MAST4: variants seen among roughly 807,000 people sequenced by gnomAD.
MAST4 encodes the protein microtubule associated serine/threonine kinase family member 4.
MAST4 carries 89 observed loss-of-function variants against 162.7 expected under a neutral mutation model. The ratio of observed to expected loss-of-function variants is 0.55; its 90% confidence interval spans 0.46 to 0.65. The LOEUF (loss-of-function observed/expected upper bound fraction) is 0.65. MAST4 is among the 30% of genes least tolerant of loss of function. MAST4 has a pLI of 0.00. For missense variants in MAST4, 3,153 were observed against 3,374.0 expected (o/e 0.93, Z 1.62); for synonymous variants, 1,479 against 1,361.1 (o/e 1.09, Z -1.91).
chr5:66,639,196 T>C (rs74708654), intron 1 of MAST4, among the ~76,000 whole-genome samples: 2,931 of 151,362 alleles, frequency 0.019, 93 homozygotes, highest in African/African-American at 0.068. Context: ...AAAACCTAGA[T>C]AGAATGATGT....
chr5:66,824,833 G>T (rs986113811), intron 3 of MAST4, among the ~76,000 whole-genome samples: 1 of 152,178 alleles, frequency 6.6e-6, no homozygotes, highest in Non-Finnish European at 1.5e-5. Context: ...AAGTATTTGT[G>T]TATCTAAACA....
chr5:66,963,712 C>T, intron 4 of MAST4: 1 of 779,794 alleles, frequency 1.3e-6, no homozygotes, highest in South Asian at 1.3e-5. Context: ...TTCAGTCTCA[C>T]TCCCAGGAGC....
rs540760903 is a variant in MAST4 at position 66,725,354 on chromosome 5, T to C, written c.364-34355T>C. ...ACATTTTTGATTTTTAAAATGATCA[T>C]AAATATTGGATGTGCCTATGACTTG... On this transcript the variant is annotated intron_variant, in intron 1 of 28. Coordinates refer to ENST00000403625, the MANE Select transcript of MAST4 (RefSeq NM_001164664.2). 1.4e-4 allele frequency among the ~76,000 whole-genome samples: 21 copies of C among 151,794 alleles called. 1 individual carries two copies. In the South Asian group the frequency reaches 4.4e-3, roughly 32 times the overall value.
chr5:66,712,674 A>T (rs144282532), intron 1 of MAST4, among the ~76,000 whole-genome samples: 29 of 152,302 alleles, frequency 1.9e-4, no homozygotes, highest in Non-Finnish European at 3.8e-4. Context: ...TCCAGGAAAT[A>T]CCCTTTGAAA....
At chr5:66,749,166 C>G (rs1752975099) in intron 1 of MAST4, among the ~76,000 whole-genome samples, 1 of 151,998 alleles carries the variant, frequency 6.6e-6, no homozygotes, top group East Asian at 1.9e-4. Context: ...TTATCAGTAT[C>G]ACTTGTTACT....
chr5:66,930,111 G>C (rs888422260), intron 4 of MAST4, among the ~76,000 whole-genome samples: 1 of 152,130 alleles, frequency 6.6e-6, no homozygotes, highest in African/African-American at 2.4e-5. Context: ...AAAGAACAAT[G>C]GGTCTGCTAT....
intron 3 of MAST4, among the ~76,000 whole-genome samples, chr5:66,814,580 C>G (rs1359331485): frequency 3.9e-5 from 6 of 152,114 alleles, no homozygotes; most frequent in African/African-American, 2.4e-5. Context: ...GTGAAATGCA[C>G]TGATGAAGGT....
intron 3 of MAST4, among the ~76,000 whole-genome samples, chr5:66,794,827 T>G (rs186037309): frequency 3.3e-5 from 5 of 152,320 alleles, no homozygotes; most frequent in Admixed American, 2.6e-4. Flanking sequence ...GAAATTACAT[T>G]TCATGATGTT....
chr5:66,850,058 T>C (rs1208377234), intron 3 of MAST4, among the ~76,000 whole-genome samples: 1 of 152,226 alleles, frequency 6.6e-6, no homozygotes, highest in African/African-American at 2.4e-5. Flanking sequence ...TCTGACTCAC[T>C]GCAGAATTCC....
chr5:66,868,599 C>T (rs1760708448), intron 3 of MAST4, among the ~76,000 whole-genome samples: 1 of 150,632 alleles, frequency 6.6e-6, no homozygotes, highest in Admixed American at 6.6e-5. Context: ...GAGCTGTTTA[C>T]AGTTCCTTTA....
intron 3 of MAST4, among the ~76,000 whole-genome samples, chr5:66,842,389 A>G (rs1201017823): frequency 6.6e-6 from 1 of 152,122 alleles, no homozygotes; most frequent in Non-Finnish European, 1.5e-5. Flanking sequence ...CTGCCTGGAA[A>G]AATGTTTTGA....
chr5:66,885,111 C>T (rs1761954082), intron 3 of MAST4, among the ~76,000 whole-genome samples: 1 of 152,152 alleles, frequency 6.6e-6, no homozygotes, highest in African/African-American at 2.4e-5. Flanking sequence ...TGATTTTTGA[C>T]AGTAGCTGGG....
intron 3 of MAST4, among the ~76,000 whole-genome samples, chr5:66,855,150 G>A (rs1033457712): frequency 6.6e-6 from 1 of 152,180 alleles, no homozygotes; most frequent in African/African-American, 2.4e-5. Context: ...GGAGATGTTG[G>A]ATTGTGGGGT....
At chr5:66,910,206 T>G (rs921992138) in intron 4 of MAST4, among the ~76,000 whole-genome samples, 3 of 152,172 alleles carry the variant, frequency 2.0e-5, no homozygotes, top group African/African-American at 7.2e-5. Context: ...AGCCTCAAAC[T>G]TGCCTTAAAA....
chr5:66,914,744 TGGGG>T (rs1292882142), intron 4 of MAST4, among the ~76,000 whole-genome samples: 1 of 152,174 alleles, frequency 6.6e-6, no homozygotes, highest in African/African-American at 2.4e-5. Context: ...GGGTCTCAAC[TGGGG>T]GTGATTTTAC....
intron 5 of MAST4, among the ~76,000 whole-genome samples, chr5:67,062,303 T>C (rs2548586): frequency 0.4 from 60,078 of 151,650 alleles, 14,667 homozygotes; most frequent in African/African-American, 0.7. Context: ...GAAGCTGAGG[T>C]AGGAGAATCG....
chr5:66,900,355 G>A (rs1762931739), intron 4 of MAST4, among the ~76,000 whole-genome samples: 1 of 152,128 alleles, frequency 6.6e-6, no homozygotes, highest in Non-Finnish European at 1.5e-5. Context: ...TTTACATGGA[G>A]TAAATTATGT....
At chr5:66,644,148 T>C (rs570613280) in intron 1 of MAST4, among the ~76,000 whole-genome samples, 7 of 152,038 alleles carry the variant, frequency 4.6e-5, no homozygotes, top group Non-Finnish European at 1.0e-4. Context: ...TTTTTTCAGA[T>C]TTAGAAGGAA....
chr5:67,031,255 C>T (rs1024845162), intron 4 of MAST4, among the ~76,000 whole-genome samples: 3 of 152,122 alleles, frequency 2.0e-5, no homozygotes, highest in African/African-American at 7.2e-5. Flanking sequence ...CTGGCTAGTC[C>T]AGCAGAAAGC....
Sources: gnomAD v4.1 joint callset for allele counts (sites outside exome capture counted in the v4.1 genomes callset) on GRCh38, gnomAD v4.1.1 for gene constraint, MANE v1.5 for transcripts, NCBI Gene and HGNC (gene_info 2026-07-23, HGNC 2026-07-21) for gene names.